MAST4: variants seen among roughly 807,000 people sequenced by gnomAD.
MAST4 encodes the protein microtubule-associated serine/threonine-protein kinase 4.
Under a neutral mutation model 162.7 loss-of-function variants are expected in MAST4, and 89 were observed. The observed-to-expected ratio is 0.55, with a 90% confidence interval of 0.46 to 0.65. MAST4 has a LOEUF of 0.65. MAST4 is among the 30% of genes least tolerant of loss of function. MAST4 has a pLI of 0.00. For synonymous variants in MAST4, 1,479 were observed against 1,361.1 expected (o/e 1.09, Z -1.91); for missense variants, 3,153 against 3,374.0 (o/e 0.93, Z 1.62).
intron 1 of MAST4, among the ~76,000 whole-genome samples, chr5:66,648,279 A>G (rs1745996608): frequency 6.6e-6 from 1 of 152,128 alleles, no homozygotes; most frequent in South Asian, 2.1e-4. Context: ...TAGAACAAGA[A>G]GATTTGGGAA....
chr5:67,122,943 ACT>A (rs1767757589), intron 14 of MAST4, among the ~76,000 whole-genome samples: 1 of 151,404 alleles, frequency 6.6e-6, no homozygotes, highest in Admixed American at 6.6e-5. Context: ...ATCAGCCAAA[ACT>A]CTTTTTTTCT....
chr5:66,755,248 GAAGTT>G (rs1265857338), intron 1 of MAST4, among the ~76,000 whole-genome samples: 1 of 152,198 alleles, frequency 6.6e-6, no homozygotes, highest in African/African-American at 2.4e-5. Context: ...GTGTGAAAGA[GAAGTT>G]AAGAACAACT....
At position 67,153,438 on chromosome 5, in the gene MAST4, C is replaced by T; in HGVS notation, c.3526-20C>T. On this transcript the variant is annotated intron_variant, in intron 25 of 28. Coordinates refer to ENST00000403625, the MANE Select transcript of MAST4 (RefSeq NM_001164664.2). ...TAGTCATTTGTTTGCCTACAAATAT[C>T]CTCTCCTCTTGGACTTTAGAATGTA... 1 of 1,596,208 alleles carries T rather than the reference C, an allele frequency of 6.3e-7. No homozygotes were observed. Among genetic ancestry groups the T allele is most frequent in the South Asian group, 1.1e-5 (1 of 87,600 alleles).
Position 67,166,137 on chromosome 5 carries a change from C to G in MAST4, c.6958C>G (p.Leu2320Val). Residue 2320 changes from leucine to valine, a missense_variant, in exon 29 of 29, where the codon CTG becomes GTG. Transcript: ENST00000403625. ...PGPSEPADQK[L>V]SAVGEKQTLS... The stretch of plus-strand genomic sequence containing the variant: ...GCCTAGTGAGCCAGCGGACCAGAAA[C>G]TGTCCGCTGTTGGTGAAAAGCAAAC... The G allele has an allele frequency of 4.4e-6, 7 of 1,591,614 alleles. No homozygotes were observed. The South Asian group carries it at 7.9e-5, about 18-fold the overall frequency.
At chr5:66,701,534 C>T (rs1462945599) in intron 1 of MAST4, among the ~76,000 whole-genome samples, 1 of 152,178 alleles carries the variant, frequency 6.6e-6, no homozygotes, top group African/African-American at 2.4e-5. Context: ...TTTTCTGATC[C>T]AGCACACTGA....
At position 66,871,408 on chromosome 5, in the gene MAST4, G is replaced by A. The variant is rs1326855592; in HGVS notation, c.643-28543G>A. Among the ~76,000 whole-genome samples, 3 of 152,270 alleles carry A rather than the reference G, an allele frequency of 2.0e-5. No individual in the cohort carries two copies. The East Asian group carries it at 5.8e-4, about 29-fold the overall frequency. On this transcript the variant is annotated intron_variant, in intron 3 of 28. Transcript: ENST00000403625. ...CTGAAAATTTACCAAGCTGGGATGG[G>A]TTGGCTTCAGGGCAGCAGTTATACA...
At chr5:66,940,660 A>G (rs1043723857) in intron 4 of MAST4, among the ~76,000 whole-genome samples, 6 of 152,086 alleles carry the variant, frequency 3.9e-5, no homozygotes, top group Admixed American at 1.3e-4. Context: ...CTATATCTGC[A>G]GTTCCTTTTT....
chr5:67,163,037 G>A lies in MAST4; in HGVS notation c.3968-110G>A, dbSNP rs533469494. The stretch of plus-strand genomic sequence containing the variant: ...GTTTATTCCACTAGCTAAATGCTGA[G>A]ACAATTTGCTGATCTTACCTGGCCT... On this transcript the variant is annotated intron_variant, in intron 28 of 28. Coordinates refer to ENST00000403625, the MANE Select transcript of MAST4 (RefSeq NM_001164664.2). The surrounding 1 kb of genome is among the most constrained non-coding windows in gnomAD (Gnocchi z 7.0). 12 of 1,271,888 alleles carry A rather than the reference G, an allele frequency of 9.4e-6. No homozygotes were observed. The highest frequency in any genetic ancestry group is 1.2e-5 in the Non-Finnish European group (11 of 918,332). 78.8% of individuals were successfully genotyped at this position (1,271,888 alleles called of 1,614,324 possible). A position where few individuals can be genotyped will look rare whatever the true frequency, so the allele number is the denominator to read the frequency against.
intron 1 of MAST4, among the ~76,000 whole-genome samples, chr5:66,632,948 A>G (rs1268560389): frequency 6.6e-6 from 1 of 152,232 alleles, no homozygotes; most frequent in Non-Finnish European, 1.5e-5. Context: ...AATTTAGTGC[A>G]AATGAGTTTG....
intron 12 of MAST4, among the ~76,000 whole-genome samples, chr5:67,118,416 C>T (rs1767176066): frequency 6.6e-6 from 1 of 152,172 alleles, no homozygotes; most frequent in African/African-American, 2.4e-5. Flanking sequence ...GTGATTGCAT[C>T]AGCCAATGAG....
intron 1 of MAST4, among the ~76,000 whole-genome samples, chr5:66,711,026 A>G (rs75313263): frequency 0.019 from 2,869 of 152,256 alleles, 89 homozygotes; most frequent in African/African-American, 0.064. Flanking sequence ...CCTGAGATGA[A>G]CACTAACCTC....
At chr5:67,040,422 G>A (rs1756595714) in intron 4 of MAST4, among the ~76,000 whole-genome samples, 1 of 152,158 alleles carries the variant, frequency 6.6e-6, no homozygotes, top group Non-Finnish European at 1.5e-5. Flanking sequence ...GGATCTTTGA[G>A]AATACACTGT....
intron 3 of MAST4, among the ~76,000 whole-genome samples, chr5:66,892,427 A>G (rs984641262): frequency 2.6e-5 from 4 of 152,138 alleles, no homozygotes; most frequent in Admixed American, 2.6e-4. Context: ...CACCAGCCAT[A>G]TCCACCTTTA....
intron 4 of MAST4, chr5:67,001,655 A>C (rs1581159594): frequency 6.6e-6 from 1 of 152,152 alleles, no homozygotes; most frequent in African/African-American, 2.4e-5. Context: ...TTTAGTTGCT[A>C]TCATCTTTAT....
chr5:66,657,934 A>G (rs1746657235), intron 1 of MAST4, among the ~76,000 whole-genome samples: 1 of 152,216 alleles, frequency 6.6e-6, no homozygotes, highest in Non-Finnish European at 1.5e-5. Context: ...AATCCTCCAT[A>G]GTGCTTTTAT....
intron 4 of MAST4, among the ~76,000 whole-genome samples, chr5:67,043,457 A>G (rs1388784209): frequency 6.6e-6 from 1 of 152,190 alleles, no homozygotes; most frequent in African/African-American, 2.4e-5. Flanking sequence ...TTACTGTGTT[A>G]TTTCCAAAAA....
chr5:66,924,210 T>A (rs534411680), intron 4 of MAST4, among the ~76,000 whole-genome samples: 1 of 152,270 alleles, frequency 6.6e-6, no homozygotes, highest in Non-Finnish European at 1.5e-5. Context: ...AGTTTGTACA[T>A]TTTGACCTTT....
chr5:66,729,464 C>A (rs1751711432), intron 1 of MAST4, among the ~76,000 whole-genome samples: 1 of 152,164 alleles, frequency 6.6e-6, no homozygotes, highest in Non-Finnish European at 1.5e-5. Context: ...AGTGTGCCCA[C>A]ACATTTGGTC....
chr5:66,670,172 T>C (rs907385729), intron 1 of MAST4, among the ~76,000 whole-genome samples: 6 of 152,170 alleles, frequency 3.9e-5, no homozygotes, highest in African/African-American at 1.4e-4. Flanking sequence ...CCTATGCGTC[T>C]TCATCTTATT....
Sources: allele counts gnomAD v4.1 joint callset (sites outside exome capture counted in the v4.1 genomes callset), GRCh38; gene constraint gnomAD v4.1.1; non-coding constraint Gnocchi (gnomAD v3.1); transcripts MANE v1.5; gene names NCBI Gene and HGNC (gene_info 2026-07-23, HGNC 2026-07-21).